NCBP1: variants seen among roughly 807,000 people sequenced by gnomAD.
NCBP1 encodes the protein nuclear cap-binding protein subunit 1.
A neutral mutation model predicts 111.7 loss-of-function variants in NCBP1; 16 were observed. The ratio of observed to expected loss-of-function variants is 0.14; its 90% CI spans 0.10 to 0.22. The LOEUF is 0.22. Among genes scored for constraint, NCBP1 ranks in the 10% least tolerant of loss-of-function variants. The pLI is 1.00. For synonymous variants in NCBP1, 304 were observed against 314.3 expected (o/e 0.97, Z 0.35); for missense variants, 607 against 957.5 (o/e 0.63, Z 4.83).
chr9:97,638,725 A>G (rs1307483608), intron 1 of NCBP1, among the ~76,000 whole-genome samples: 2 of 152,094 alleles, frequency 1.3e-5, no homozygotes, highest in Non-Finnish European at 2.9e-5. Flanking sequence ...TTGGCCAGTT[A>G]TTTGTTTTGG....
chr9:97,635,982 CTTG>C, intron 1 of NCBP1: 1 of 152,148 alleles, frequency 6.6e-6, no homozygotes, highest in Non-Finnish European at 1.5e-5. Flanking sequence ...TTGGAGTTGG[CTTG>C]TTTTTAACAC....
chr9:97,641,801 C>A, intron 3 of NCBP1, 139 bp downstream of exon 3: 1 of 957,076 alleles, frequency 1.0e-6, no homozygotes. Flanking sequence ...ACAAATGAGC[C>A]AACCTTTGGC....
At position 97,640,707 on chromosome 9, in the gene NCBP1, A is replaced by C. The variant is rs1405290196; in HGVS notation, c.35-87A>C. ...TCTGTAAAAACATAGGGCCTGGTAG[A>C]AAAGAGATTATAACCTAAAAAGGTT... On this transcript the variant is annotated intron_variant, in intron 1 of 22. Transcript: ENST00000375147. 1.1e-5 allele frequency: 11 copies of C among 1,043,148 alleles called. No homozygotes were observed. The African/African-American group carries it at 1.6e-4, about 15-fold the overall frequency. The allele number at this position is 1,043,148 out of a possible 1,614,324, so 64.6% of individuals were successfully genotyped here.
At chr9:97,647,912 A>T in intron 7 of NCBP1, 96 bp from the exon 8 acceptor site, 1 of 1,059,824 alleles carries the variant, frequency 9.4e-7, no homozygotes, top group Non-Finnish European at 1.4e-6. Flanking sequence ...AAGTTAGCTT[A>T]CTTTTGTATC....
At chr9:97,651,845 T>C (rs770381121) in intron 10 of NCBP1, among the ~76,000 whole-genome samples, 11 of 152,200 alleles carry the variant, frequency 7.2e-5, no homozygotes, top group Non-Finnish European at 1.6e-4. Flanking sequence ...TCATTTATTC[T>C]TAGAAATCTA....
intron 17 of NCBP1, among the ~76,000 whole-genome samples, chr9:97,662,575 T>C (rs1399335827): frequency 6.6e-6 from 1 of 152,166 alleles, no homozygotes; most frequent in Admixed American, 6.5e-5. Flanking sequence ...ACATAGATTT[T>C]CCTTCTGCCA....
At chr9:97,662,461 AAG>A (rs1200161251) in intron 17 of NCBP1, among the ~76,000 whole-genome samples, 2 of 152,214 alleles carry the variant, frequency 1.3e-5, no homozygotes, top group African/African-American at 4.8e-5. Context: ...AAAGCAATGT[AAG>A]AAGAAATTAG....
At chr9:97,644,138 A>G (rs1827272177) in intron 4 of NCBP1, among the ~76,000 whole-genome samples, 1 of 152,218 alleles carries the variant, frequency 6.6e-6, no homozygotes, top group Admixed American at 6.5e-5. Context: ...TGTATATCAT[A>G]AATACATATG....
intron 10 of NCBP1, among the ~76,000 whole-genome samples, chr9:97,651,809 C>G (rs981667916): frequency 6.6e-6 from 1 of 152,076 alleles, no homozygotes; most frequent in African/African-American, 2.4e-5. Flanking sequence ...GTATTATTTC[C>G]TGTAACACAA....
intron 19 of NCBP1, among the ~76,000 whole-genome samples, chr9:97,665,321 G>T (rs929889229): frequency 6.6e-6 from 1 of 152,200 alleles, no homozygotes; most frequent in Non-Finnish European, 1.5e-5. Context: ...ATTGTCCTGA[G>T]TGATTTACGT....
intron 10 of NCBP1, among the ~76,000 whole-genome samples, chr9:97,652,026 T>C (rs1436377402): frequency 6.6e-6 from 1 of 152,112 alleles, no homozygotes; most frequent in East Asian, 1.9e-4. Flanking sequence ...TTTTTCCAAA[T>C]GGAGCCTTGC....
At position 97,641,811 on chromosome 9, in the gene NCBP1, C is replaced by T. The variant is rs145091650; in HGVS notation, c.224+149C>T. ...TTTGTACAAATGAGCCAACCTTTGG[C>T]GCTTTGGCGAACTCTTTTTCTTAGG... On this transcript the variant is annotated intron_variant, in intron 3 of 22. Coordinates refer to ENST00000375147, the MANE Select transcript of NCBP1 (RefSeq NM_002486.5). 2.3e-3 allele frequency: 1,951 copies of T among 852,282 alleles called. 27 individuals are homozygous for T. The African/African-American group carries it at 0.03, about 13-fold the overall frequency. The allele number at this position is 852,282 out of a possible 1,614,324, so 52.8% of individuals were successfully genotyped here. A position where few individuals can be genotyped will look rare whatever the true frequency, so the allele number is the denominator to read the frequency against.
intron 1 of NCBP1, chr9:97,634,677 G>A (rs2131325703): frequency 6.6e-6 from 1 of 152,296 alleles, no homozygotes; most frequent in South Asian, 2.1e-4. Flanking sequence ...TTACACATAA[G>A]CCTTACAATC....
chr9:97,665,015 A>G (rs1324392976), intron 19 of NCBP1, among the ~76,000 whole-genome samples: 1 of 152,322 alleles, frequency 6.6e-6, no homozygotes, highest in East Asian at 1.9e-4. Context: ...GTTCTTATTT[A>G]TGAAGTTCAC....
chr9:97,669,071 C>T, intron 21 of NCBP1, 97 bp downstream of exon 21: 4 of 1,325,432 alleles, frequency 3.0e-6, no homozygotes, highest in Non-Finnish European at 4.1e-6. Flanking sequence ...AAGGAATACA[C>T]ATTCATTTAT....
chr9:97,670,503 C>T (rs974560985), intron 22 of NCBP1, among the ~76,000 whole-genome samples: 1 of 152,078 alleles, frequency 6.6e-6, no homozygotes, highest in Non-Finnish European at 1.5e-5. Context: ...TTCATTTGTT[C>T]ATTCTAGAAG....
chr9:97,669,844 C>A lies in NCBP1; in HGVS notation c.2259+138C>A, dbSNP rs529293474. 2.5e-5 allele frequency: 18 copies of A among 720,442 alleles called. No homozygotes were observed. The African/African-American group carries it at 3.0e-4, about 12-fold the overall frequency. 44.6% of individuals were successfully genotyped at this position (720,442 alleles called of 1,614,324 possible). ...TTTAGTTCATGTCCATTTGCTGCTACCATTGCTCATCAGAATATTTAGGCT... is the reference window on the plus strand; with the variant it reads ...TTTAGTTCATGTCCATTTGCTGCTAACATTGCTCATCAGAATATTTAGGCT... On this transcript the variant is annotated intron_variant, in intron 22 of 22. Coordinates refer to ENST00000375147, the MANE Select transcript of NCBP1 (RefSeq NM_002486.5).
In NCBP1 at chr9:97,673,304, A is replaced by G. The variant is rs550367846; in HGVS notation, c.*2105A>G. On this transcript the variant is annotated 3_prime_UTR_variant, in exon 23 of 23. Transcript: ENST00000375147. The stretch of plus-strand genomic sequence containing the variant: ...CTAACCCCATGTTGTTCAAGGGTCA[A>G]CTGTAGTTTAAAATGACTCCTGTCT... 5 of 152,284 alleles carry G rather than the reference A, an allele frequency of 3.3e-5. No homozygotes were observed. Among genetic ancestry groups the G allele is most frequent in the African/African-American group, 9.6e-5 (4 of 41,566 alleles). The allele number at this position is 152,284 out of a possible 1,614,324, so 9.4% of individuals were successfully genotyped here.
intron 20 of NCBP1, among the ~76,000 whole-genome samples, chr9:97,668,413 T>C (rs1214953896): frequency 1.3e-5 from 2 of 152,240 alleles, no homozygotes; most frequent in Non-Finnish European, 2.9e-5. Flanking sequence ...CTTTGAATTA[T>C]TATATGTCGG....
Sources: allele counts gnomAD v4.1 joint callset (sites outside exome capture counted in the v4.1 genomes callset), GRCh38; gene constraint gnomAD v4.1.1; transcripts MANE v1.5; gene names NCBI Gene and HGNC (gene_info 2026-07-23, HGNC 2026-07-21).